ZNF562: variants seen among roughly 807,000 people sequenced by gnomAD.
The protein encoded by ZNF562 is zinc finger protein 562.
Under a neutral mutation model 17.5 loss-of-function variants are expected in ZNF562, and 13 were observed. The ratio of observed to expected loss-of-function variants is 0.74; its 90% CI spans 0.48 to 1.18. The LOEUF is 1.18. Among genes scored for constraint, ZNF562 ranks in the 50% most tolerant of loss-of-function variants. The probability of loss-of-function intolerance (pLI) is 0.00; values close to 1 mark genes in which losing one functional copy is unlikely to be tolerated. For missense variants in ZNF562, 481 were observed against 498.5 expected, an observed-to-expected ratio of 0.96 and a Z score of 0.33; for synonymous variants, 163 against 165.4, an observed-to-expected ratio of 0.99 and a Z score of 0.11.
At chr19:9,654,315 G>A (rs1249699866) in intron 5 of ZNF562, among the ~76,000 whole-genome samples, 13 of 152,112 alleles carry the variant, frequency 8.5e-5, no homozygotes, top group Middle Eastern at 3.4e-3. Context: ...CAGAGCTGGG[G>A]TTTTGCTCCA....
chr19:9,654,413 G>T (rs1466093052), intron 5 of ZNF562, among the ~76,000 whole-genome samples: 3 of 152,102 alleles, frequency 2.0e-5, no homozygotes, highest in African/African-American at 7.2e-5. Context: ...CTAGCTAAAA[G>T]CTGTGTAGCT....
In ZNF562 at chr19:9,646,032, A is replaced by G. The variant is rs908349312; in HGVS notation, c.*6917T>C. 1 of 152,112 alleles carries G rather than the reference A, an allele frequency of 6.6e-6. No individual in the cohort carries two copies. Among genetic ancestry groups the G allele is most frequent in the African/African-American group, 2.4e-5 (1 of 41,436 alleles). The allele number at this position is 152,112 out of a possible 1,614,324, so 9.4% of individuals were successfully genotyped here. On this transcript the variant is annotated 3_prime_UTR_variant, in exon 6 of 6. Coordinates refer to ENST00000453372, the MANE Select transcript of ZNF562 (RefSeq NM_001130031.2). Reference sequence around the variant, plus strand: ...AAATGTCAGGCACTAAATGTGCAACATAAAAGGATTGTTAATTGGTATTAT... The same window carrying G: ...AAATGTCAGGCACTAAATGTGCAACGTAAAAGGATTGTTAATTGGTATTAT...
rs73008144 is a variant in ZNF562 at position 9,668,292 on chromosome 19, C to T, written c.-131+6723G>A. Among the ~76,000 whole-genome samples, 1,366 of 152,146 alleles carry T rather than the reference C, an allele frequency of 9.0e-3. 15 individuals carry two copies. Among genetic ancestry groups the T allele is most frequent in the South Asian group, 0.021 (100 of 4,814 alleles). ...CAAAAGAGACTGAGGCAGGAGGATT[C>T]CTTGAGCCCAGGAGTTCAAGGCTGC... On this transcript the variant is annotated intron_variant, in intron 1 of 5. Transcript: ENST00000453372.
intron 1 of ZNF562, among the ~76,000 whole-genome samples, chr19:9,670,330 AT>A (rs2044142345): frequency 6.6e-6 from 1 of 152,204 alleles, no homozygotes; most frequent in African/African-American, 2.4e-5. Flanking sequence ...CATTGGGTAT[AT>A]ATCCAAAAGA....
Position 9,642,205 on chromosome 19 carries a change from T to A in ZNF562, c.*10744A>T, listed in dbSNP as rs919548737. On this transcript the variant is annotated 3_prime_UTR_variant, in exon 6 of 6. Transcript: ENST00000453372. ...GTACATTATCACAAGGGCGGGGGGA[T>A]GTCACAATGGCTTGACCATGGTATG... 2 of 151,428 alleles carry A rather than the reference T, an allele frequency of 1.3e-5. No homozygotes were observed. The highest frequency in any genetic ancestry group is 2.9e-5 in the Non-Finnish European group (2 of 67,948). 9.4% of individuals were successfully genotyped at this position (151,428 alleles called of 1,614,324 possible). A position where few individuals can be genotyped will look rare whatever the true frequency, so the allele number is the denominator to read the frequency against.
intron 1 of ZNF562, among the ~76,000 whole-genome samples, chr19:9,663,916 AT>A (rs1045118128): frequency 2.7e-5 from 4 of 147,824 alleles, no homozygotes; most frequent in Admixed American, 6.8e-5. Context: ...ATTCCCAGCT[AT>A]TTTTTTTTTG....
chr19:9,669,708 A>AGCG (rs1568281408), intron 1 of ZNF562, among the ~76,000 whole-genome samples: 15 of 140,152 alleles, frequency 1.1e-4, no homozygotes, highest in South Asian at 4.5e-4. Context: ...GTCTGCATGC[A>AGCG]CGCGCGCGAG....
At chr19:9,661,535 C>A (rs965297531) in intron 1 of ZNF562, among the ~76,000 whole-genome samples, 1 of 152,050 alleles carries the variant, frequency 6.6e-6, no homozygotes, top group Non-Finnish European at 1.5e-5. Context: ...GTGGCTCATG[C>A]CTGTAATCCC....
Position 9,669,722 on chromosome 19 carries a change from GCGCGCGCGCGCGCACACACACA to G in ZNF562, c.-131+5271_-131+5292del, listed in dbSNP as rs1464376343. ...TGTCTGCATGCACGCGCGCGAGCGCGCGCGCGCGCGCGCACACACACACACACACACACACACACACACACAC... is the reference window on the plus strand; with the variant it reads ...TGTCTGCATGCACGCGCGCGAGCGCGCACACACACACACACACACACACAC... On this transcript the variant is annotated intron_variant, in intron 1 of 5. Coordinates refer to ENST00000453372, the MANE Select transcript of ZNF562 (RefSeq NM_001130031.2). Among the ~76,000 whole-genome samples, 244 of 97,468 alleles carry G rather than the reference GCGCGCGCGCGCGCACACACACA, an allele frequency of 2.5e-3. 1 individual carries two copies. The highest frequency in any genetic ancestry group is 7.7e-3 in the African/African-American group (186 of 24,238). The allele number at this position is 97,468 out of a possible 152,430, so 63.9% of individuals were successfully genotyped here.
At chr19:9,660,613 A>C in intron 2 of ZNF562, 107 bp downstream of exon 2, 1 of 1,181,170 alleles carries the variant, frequency 8.5e-7, no homozygotes, top group Non-Finnish European at 1.2e-6. Flanking sequence ...TCTAAAAGAA[A>C]AAAAAAAAAA....
Position 9,648,665 on chromosome 19 carries a change from TTTTG to T in ZNF562, c.*4280_*4283del, listed in dbSNP as rs1306955705. On this transcript the variant is annotated 3_prime_UTR_variant, in exon 6 of 6. Transcript: ENST00000453372. ...TTCACTTCTTCAAGTTTTTTTTTTG[TTTTG>T]TTTTTGTTTTTTTTTTTGAGATGGG... is the stretch of plus-strand genomic sequence containing the variant. The T allele has an allele frequency of 3.3e-5, 5 of 149,748 alleles. No homozygotes were observed. The highest frequency in any genetic ancestry group is 7.5e-5 in the Non-Finnish European group (5 of 66,570). 9.3% of individuals were successfully genotyped at this position (149,748 alleles called of 1,614,324 possible). A position where few individuals can be genotyped will look rare whatever the true frequency, so the allele number is the denominator to read the frequency against.
At chr19:9,655,349 A>G (rs2043425115) in intron 5 of ZNF562, among the ~76,000 whole-genome samples, 1 of 152,114 alleles carries the variant, frequency 6.6e-6, no homozygotes, top group African/African-American at 2.4e-5. Context: ...ATGTGGGAAT[A>G]TGTACTTGTC....
rs2074816432 is a variant in ZNF562 at position 9,647,480 on chromosome 19, T to C, written c.*5469A>G. On this transcript the variant is annotated 3_prime_UTR_variant, in exon 6 of 6. Transcript: ENST00000453372. ...CCTGGCCTCAAGGAATCCTTCTGAC[T>C]GAGCTTCCCAGTGTGCTGGGATTAA... The C allele has an allele frequency of 6.6e-6, 1 of 152,264 alleles. No homozygotes were observed. Among genetic ancestry groups the C allele is most frequent in the Non-Finnish European group, 1.5e-5 (1 of 68,074 alleles). The allele number at this position is 152,264 out of a possible 1,614,324, so 9.4% of individuals were successfully genotyped here.
chr19:9,659,408 C>A lies in ZNF562; in HGVS notation c.85G>T (p.Val29Leu), dbSNP rs1331433408. ...TAAGAATTTGACCGGTGGTCCTCTACCATCGTTCCTATCTTTGTCTTTTCT... is the reference window on the plus strand; with the variant it reads ...TAAGAATTTGACCGGTGGTCCTCTAACATCGTTCCTATCTTTGTCTTTTCT... The part of the protein sequence containing the change: ...FEEKTKIGTM[V>L]EDHRSNSYQD... Residue 29 changes from valine (V) to leucine (L), a missense_variant, in exon 3 of 6, where the codon GTA becomes TTA. Val to Leu is a conservative substitution (Grantham distance 32). Transcript: ENST00000453372. 2 of 1,551,358 alleles carry A rather than the reference C, an allele frequency of 1.3e-6. No individual in the cohort carries two copies. Among genetic ancestry groups the A allele is most frequent in the South Asian group, 2.4e-5 (2 of 84,044 alleles).
In ZNF562 at chr19:9,646,413, GA is replaced by G. The variant is rs2074806988; in HGVS notation, c.*6535del. The G allele has an allele frequency of 6.6e-6, 1 of 152,008 alleles. No homozygotes were observed. Among genetic ancestry groups the G allele is most frequent in the Non-Finnish European group, 1.5e-5 (1 of 68,002 alleles). 9.4% of individuals were successfully genotyped at this position (152,008 alleles called of 1,614,324 possible). A position where few individuals can be genotyped will look rare whatever the true frequency, so the allele number is the denominator to read the frequency against. ...ACTCCAGCTAAAGTATGTATAAAAA[GA>G]CACATTTTTTTAAAAAGCATACAGA... On this transcript the variant is annotated 3_prime_UTR_variant, in exon 6 of 6. Transcript: ENST00000453372.
Position 9,653,652 on chromosome 19 carries a change from A to T in ZNF562, c.578T>A (p.Val193Glu). ...TCTTCCATTGAGAATTTCAAGATGC[A>T]CAGCAAGGCCTGGAGTTAAGGTGAA... ...KVFTLTPGLA[V>E]HLEILNGRQP... Residue 193 changes from valine to glutamate, a missense_variant, in exon 6 of 6, where the codon GTG becomes GAG. Around this residue, in one of 2 missense-constraint regions of ZNF562, gnomAD observed 403 missense variants for 386.4 expected, o/e 1.04. Coordinates refer to ENST00000453372, the MANE Select transcript of ZNF562 (RefSeq NM_001130031.2). 1 of 1,614,040 alleles carries T rather than the reference A, an allele frequency of 6.2e-7. No individual in the cohort carries two copies. Among genetic ancestry groups the T allele is most frequent in the South Asian group, 1.1e-5 (1 of 91,082 alleles).
intron 3 of ZNF562, among the ~76,000 whole-genome samples, chr19:9,659,000 CA>C (rs2043623952): frequency 6.6e-6 from 1 of 152,174 alleles, no homozygotes; most frequent in Admixed American, 6.6e-5. Context: ...CTTCCTGTCC[CA>C]TTGGTCTCTG....
chr19:9,656,218 T>C (rs2043477934), intron 5 of ZNF562, among the ~76,000 whole-genome samples: 1 of 152,134 alleles, frequency 6.6e-6, no homozygotes, highest in African/African-American at 2.4e-5. Flanking sequence ...AATTAAGAAA[T>C]ATCCCTCATG....
At chr19:9,671,429 T>C (rs1167264015) in intron 1 of ZNF562, among the ~76,000 whole-genome samples, 2 of 152,146 alleles carry the variant, frequency 1.3e-5, no homozygotes, top group African/African-American at 4.8e-5. Context: ...TGAGCCATGA[T>C]TATGCCATTG....
Sources: allele counts gnomAD v4.1 joint callset (sites outside exome capture counted in the v4.1 genomes callset), GRCh38; gene constraint gnomAD v4.1.1; regional missense constraint gnomAD v4.1.1; transcripts MANE v1.5; gene names NCBI Gene and HGNC (gene_info 2026-07-23, HGNC 2026-07-21).